PRR16: variants seen among roughly 807,000 people sequenced by gnomAD.
The protein encoded by PRR16 is proline rich 16.
PRR16 carries 6 observed loss-of-function variants against 18.2 expected under a neutral mutation model. The ratio of observed to expected loss-of-function variants is 0.33; its 90% CI spans 0.18 to 0.65. The LOEUF (loss-of-function observed/expected upper bound fraction) is 0.65, where lower values mean the gene tolerates loss of function less well. Ranked by LOEUF, PRR16 falls within the 30% of genes least tolerant of loss-of-function variation. The pLI, the probability that PRR16 is intolerant of heterozygous loss-of-function variation, is 0.74. For synonymous variants in PRR16, 151 were observed against 147.8 expected, an observed-to-expected ratio of 1.02 and a Z score of -0.16; for missense variants, 412 against 376.6, an observed-to-expected ratio of 1.09 and a Z score of -0.78.
At chr5:120,748,168 A>C in the PRR16 span, among the ~76,000 whole-genome samples, 17 of 152,074 alleles carry the variant, frequency 1.1e-4, no homozygotes, top group Non-Finnish European at 2.5e-4. Context: ...GAGAGAGCAA[A>C]ATACTGAAAT....
chr5:120,595,582 A>G (rs1310770598), intron 1 of PRR16, among the ~76,000 whole-genome samples: 2 of 151,886 alleles, frequency 1.3e-5, no homozygotes, highest in African/African-American at 4.8e-5. Flanking sequence ...CTATTGGGTT[A>G]TATGCTTAGT....
chr5:120,782,645 T>G, the PRR16 span, among the ~76,000 whole-genome samples: 1 of 152,200 alleles, frequency 6.6e-6, no homozygotes. Flanking sequence ...TCTGTAAGCA[T>G]CCCTGTGTCC....
chr5:120,613,459 A>G (rs1268498949), intron 1 of PRR16, among the ~76,000 whole-genome samples: 1 of 150,198 alleles, frequency 6.7e-6, no homozygotes, highest in Admixed American at 6.7e-5. Flanking sequence ...ACTTAAGCAT[A>G]TTACTAAGAT....
intron 1 of PRR16, among the ~76,000 whole-genome samples, chr5:120,638,711 A>T (rs1755326793): frequency 6.6e-6 from 1 of 152,022 alleles, no homozygotes; most frequent in African/African-American, 2.4e-5. Flanking sequence ...CACACACAAT[A>T]CACATGCGTA....
At chr5:120,506,941 T>C (rs1750664757) in intron 1 of PRR16, among the ~76,000 whole-genome samples, 1 of 152,102 alleles carries the variant, frequency 6.6e-6, no homozygotes, top group Non-Finnish European at 1.5e-5. Flanking sequence ...GGGGTCAGTA[T>C]TTTAGCTTTC....
At chr5:120,636,319 A>C (rs1226628835) in intron 1 of PRR16, among the ~76,000 whole-genome samples, 1 of 152,208 alleles carries the variant, frequency 6.6e-6, no homozygotes, top group Non-Finnish European at 1.5e-5. Context: ...CACATAGCCA[A>C]AGCAAGACTA....
At chr5:120,626,511 T>C (rs1754870696) in intron 1 of PRR16, among the ~76,000 whole-genome samples, 2 of 152,158 alleles carry the variant, frequency 1.3e-5, no homozygotes, top group African/African-American at 2.4e-5. Flanking sequence ...GAAAATGTCC[T>C]AAAGCTGGAT....
chr5:120,594,975 T>G (rs981950286), intron 1 of PRR16, among the ~76,000 whole-genome samples: 5 of 151,744 alleles, frequency 3.3e-5, no homozygotes, highest in African/African-American at 1.2e-4. Context: ...GATGAAGACT[T>G]AAATGTATAA....
At chr5:120,576,174 ATCT>A (rs1240396131) in intron 1 of PRR16, among the ~76,000 whole-genome samples, 3 of 152,186 alleles carry the variant, frequency 2.0e-5, no homozygotes, top group African/African-American at 4.8e-5. Context: ...CAAACTAAAA[ATCT>A]TCTGCCCAAG....
the PRR16 span, among the ~76,000 whole-genome samples, chr5:120,769,346 C>T: frequency 1.3e-5 from 2 of 151,876 alleles, no homozygotes; most frequent in East Asian, 3.9e-4. Context: ...CTCCCCCTCC[C>T]TCTTTTTGTG....
chr5:120,725,310 T>TA, the PRR16 span, among the ~76,000 whole-genome samples: 1 of 151,600 alleles, frequency 6.6e-6, no homozygotes, highest in Non-Finnish European at 1.5e-5. Flanking sequence ...TTGTTTTTTT[T>TA]TTTTTTTTTC....
rs114548459 is a variant in PRR16, at chr5:120,561,536, T to C, written c.159+96891T>C. 3.6e-3 allele frequency among the ~76,000 whole-genome samples: 546 copies of C among 152,278 alleles called. 1 individual carries two copies. Among genetic ancestry groups the C allele is most frequent in the African/African-American group, 0.012 (516 of 41,566 alleles). ...TAAGAACTTGTTTTGTTCCCTAACA[T>C]ACAGTCTGTTCTTGAGAATGACCCA... On this transcript the variant is annotated intron_variant, in intron 1 of 1. Coordinates refer to ENST00000407149, the MANE Select transcript of PRR16 (RefSeq NM_001300783.2).
At chr5:120,545,515 G>A (rs1045045282) in intron 1 of PRR16, among the ~76,000 whole-genome samples, 11 of 151,896 alleles carry the variant, frequency 7.2e-5, no homozygotes, top group Non-Finnish European at 1.6e-4. Flanking sequence ...CATGTGAATA[G>A]GGCTTACATT....
intron 1 of PRR16, among the ~76,000 whole-genome samples, chr5:120,569,579 G>A (rs1044241895): frequency 2.6e-5 from 4 of 152,092 alleles, no homozygotes; most frequent in Non-Finnish European, 5.9e-5. Context: ...TGGATGAAGG[G>A]ACAAACACAT....
chr5:120,643,428 A>G (rs1469032488), intron 1 of PRR16, among the ~76,000 whole-genome samples: 4 of 152,142 alleles, frequency 2.6e-5, no homozygotes, highest in Non-Finnish European at 5.9e-5. Flanking sequence ...CAGTAACTGG[A>G]TGTTTAAACT....
At position 120,679,084 on chromosome 5, in the gene PRR16, T is replaced by C. The variant is rs186813721; in HGVS notation, c.160-6870T>C. On this transcript the variant is annotated intron_variant, in intron 1 of 1. Coordinates refer to ENST00000407149, the MANE Select transcript of PRR16 (RefSeq NM_001300783.2). ...TTTTTAATTATTCCACAGTCTACTA[T>C]AGCTTCCTTGTATACATGGTTTAAA... 3.9e-3 allele frequency among the ~76,000 whole-genome samples: 601 copies of C among 152,308 alleles called. 5 individuals carry two copies. Among genetic ancestry groups the C allele is most frequent in the African/African-American group, 0.014 (563 of 41,568 alleles).
At chr5:120,704,261 G>C in the PRR16 span, among the ~76,000 whole-genome samples, 4 of 152,146 alleles carry the variant, frequency 2.6e-5, no homozygotes, top group African/African-American at 9.7e-5. Context: ...AACCAATCTG[G>C]AATCTTGGAA....
Position 120,478,239 on chromosome 5 carries a change from A to G in PRR16, c.159+13594A>G, listed in dbSNP as rs530482049. On this transcript the variant is annotated intron_variant, in intron 1 of 1. Coordinates refer to ENST00000407149, the MANE Select transcript of PRR16 (RefSeq NM_001300783.2). ...ACCTTTTAGTTTCTACTGCAATCCA[A>G]TATTTGCAGAGAAGGAACAAGAAAT... Among the ~76,000 whole-genome samples, 240 of 152,304 alleles carry G rather than the reference A, an allele frequency of 1.6e-3. 3 individuals carry two copies. The South Asian group carries it at 0.047, about 30-fold the overall frequency.
chr5:120,481,063 A>G (rs1580623398), intron 1 of PRR16: 2 of 1,125,678 alleles, frequency 1.8e-6, no homozygotes, highest in Non-Finnish European at 1.1e-6. Context: ...ATGGCAGGCA[A>G]TACTTTGGCC....
Sources: allele counts gnomAD v4.1 joint callset (sites outside exome capture counted in the v4.1 genomes callset), GRCh38; gene constraint gnomAD v4.1.1; transcripts MANE v1.5; gene names NCBI Gene and HGNC (gene_info 2026-07-23, HGNC 2026-07-21).